The following LAMA4 variants were observed in gnomAD, a reference collection of about 807,000 sequenced individuals.
LAMA4 encodes the protein laminin subunit alpha-4.
A neutral mutation model predicts 207.1 loss-of-function variants in LAMA4; 127 were observed. That is an observed-to-expected ratio of 0.61 (90% CI 0.53 to 0.71). The LOEUF (loss-of-function observed/expected upper bound fraction) is 0.71, where lower values mean the gene tolerates loss of function less well. LAMA4 is among the 30% of genes least tolerant of loss of function. LAMA4 has a pLI of 0.00. For synonymous variants in LAMA4, 761 were observed against 816.0 expected (o/e 0.93, Z 1.15); for missense variants, 2,093 against 2,246.5 (o/e 0.93, Z 1.38).
chr6:112,127,435 A>G (rs1778763578), intron 31 of LAMA4, among the ~76,000 whole-genome samples: 1 of 151,800 alleles, frequency 6.6e-6, no homozygotes, highest in African/African-American at 2.4e-5. Context: ...ATCCAAGCAG[A>G]AGGGAAGCCT....
chr6:112,176,008 G>T (rs1217852772), intron 10 of LAMA4, among the ~76,000 whole-genome samples: 1 of 152,212 alleles, frequency 6.6e-6, no homozygotes, highest in Admixed American at 6.5e-5. Flanking sequence ...CATATTGATA[G>T]CTGTCCAAAT....
chr6:112,143,606 C>T lies in LAMA4; in HGVS notation c.2493+1188G>A, dbSNP rs1237775745. Among the ~76,000 whole-genome samples the T allele has an allele frequency of 2.0e-5, 3 of 152,098 alleles. No homozygotes were observed. The East Asian group carries it at 5.8e-4, about 29-fold the overall frequency. On this transcript the variant is annotated intron_variant, in intron 19 of 38. Coordinates refer to ENST00000230538, the MANE Select transcript of LAMA4 (RefSeq NM_001105206.3). The stretch of plus-strand genomic sequence containing the variant: ...GCCAAGACCAATACATCTTAATAAA[C>T]AAGCAGTGTGGGGGATTAAAGTCTT...
rs145489423 is a variant in LAMA4, at chr6:112,148,278, C to G, written c.2232G>C (p.Thr744=). Residue 744 remains threonine, a synonymous_variant, in exon 18 of 39, where the codon ACG becomes ACC. Coordinates refer to ENST00000230538, the MANE Select transcript of LAMA4 (RefSeq NM_001105206.3). Reference sequence around the variant, plus strand: ...CAGTGGCCTGCTGCACCTCCATCGTCGTCCTGTTGGCTTCCTCGGTGATCA... The same window carrying G: ...CAGTGGCCTGCTGCACCTCCATCGTGGTCCTGTTGGCTTCCTCGGTGATCA... The part of the protein sequence containing the change: ...SRLITEEANR[T]TMEVQQATAP... 1 of 1,614,196 alleles carries G rather than the reference C, an allele frequency of 6.2e-7. No homozygotes were observed. Among genetic ancestry groups the G allele is most frequent in the South Asian group, 1.1e-5 (1 of 91,082 alleles).
At position 112,185,299 on chromosome 6, in the gene LAMA4, T is replaced by C. The variant is rs1366623181; in HGVS notation, c.1015A>G (p.Ile339Val). The C allele has an allele frequency of 1.9e-6, 3 of 1,613,718 alleles. No homozygotes were observed. In the African/African-American group the frequency reaches 4.0e-5, roughly 22 times the overall value. ...TTCATCGTGTTCTCAGCATTGTTGATTTGTATCTTTCTTAGGGCGTATTGG... is the reference window on the plus strand; with the variant it reads ...TTCATCGTGTTCTCAGCATTGTTGACTTGTATCTTTCTTAGGGCGTATTGG... The part of the protein sequence containing the change: ...ENQYALRKIQ[I>V]NNAENTMKSL... The change falls in exon 9 of 39, where the codon ATC becomes GTC. Residue 339 changes from isoleucine (I) to valine (V), a missense_variant. By Grantham distance (29) the Ile-to-Val change is conservative. Coordinates refer to ENST00000230538, the MANE Select transcript of LAMA4 (RefSeq NM_001105206.3).
At position 112,108,390 on chromosome 6, in the gene LAMA4, G is replaced by C. The variant is rs1398722690; in HGVS notation, c.*1047C>G. ...AAAGATTATAACATTTTAGAAATAA[G>C]ACTAGTTGTGTTGCAGGTATGTGGA... On this transcript the variant is annotated 3_prime_UTR_variant, in exon 39 of 39. Coordinates refer to ENST00000230538, the MANE Select transcript of LAMA4 (RefSeq NM_001105206.3). 6.6e-6 allele frequency among the ~76,000 whole-genome samples: 1 copy of C among 152,058 alleles called. No individual in the cohort carries two copies. The highest frequency in any genetic ancestry group is 1.5e-5 in the Non-Finnish European group (1 of 68,008).
At chr6:112,222,594 TAA>T (rs1464250633) in intron 2 of LAMA4, among the ~76,000 whole-genome samples, 2 of 152,178 alleles carry the variant, frequency 1.3e-5, no homozygotes, top group African/African-American at 4.8e-5. Flanking sequence ...TTTAATTTTG[TAA>T]AGAGTGGAGA....
chr6:112,233,824 T>A (rs1251072578), intron 2 of LAMA4, among the ~76,000 whole-genome samples: 2 of 152,174 alleles, frequency 1.3e-5, no homozygotes, highest in African/African-American at 4.8e-5. Flanking sequence ...CACCAATGAA[T>A]TTACTTTTTT....
intron 38 of LAMA4, among the ~76,000 whole-genome samples, chr6:112,113,708 A>G (rs587765661): frequency 2.0e-4 from 30 of 152,338 alleles, no homozygotes; most frequent in African/African-American, 6.7e-4. Flanking sequence ...GGGAGCAACT[A>G]ACAGCAAACT....
At chr6:112,176,480 T>C (rs1413511337) in intron 10 of LAMA4, among the ~76,000 whole-genome samples, 5 of 152,226 alleles carry the variant, frequency 3.3e-5, no homozygotes. Context: ...TTTATGTGGA[T>C]AATAGCTTGA....
At chr6:112,189,357 G>C in intron 6 of LAMA4, 152 bp from the exon 7 acceptor site, 1 of 678,410 alleles carries the variant, frequency 1.5e-6, no homozygotes, top group Non-Finnish European at 2.7e-6. Flanking sequence ...TAGAATCTAC[G>C]ATACAGAGAT....
At chr6:112,110,919 A>AT (rs1777652672) in intron 38 of LAMA4, among the ~76,000 whole-genome samples, 1 of 152,192 alleles carries the variant, frequency 6.6e-6, no homozygotes, top group East Asian at 1.9e-4. Context: ...TTAATGCATA[A>AT]TTTTTAGAGA....
chr6:112,203,293 T>C (rs1320820052), intron 4 of LAMA4, among the ~76,000 whole-genome samples: 1 of 151,992 alleles, frequency 6.6e-6, no homozygotes, highest in East Asian at 1.9e-4. Flanking sequence ...ACTCGGCCCT[T>C]TGTTTGCTTA....
At position 112,253,707 on chromosome 6, in the gene LAMA4, G is replaced by A. The variant is rs1394170284; in HGVS notation, c.195+249C>T. 11 of 1,589,994 alleles carry A rather than the reference G, an allele frequency of 6.9e-6. No homozygotes were observed. The Admixed American group carries it at 1.2e-4, about 17-fold the overall frequency. On this transcript the variant is annotated intron_variant, in intron 2 of 38. Transcript: ENST00000230538. ...TGAGAGTCTAGCGGATGAACTCAGAGCACCAACACATGCACTCTCACCCCT... is the reference window on the plus strand; with the variant it reads ...TGAGAGTCTAGCGGATGAACTCAGAACACCAACACATGCACTCTCACCCCT...
intron 19 of LAMA4, 94 bp from the exon 20 acceptor site, chr6:112,142,386 C>G (rs1198863727): frequency 9.5e-7 from 1 of 1,051,944 alleles, no homozygotes; most frequent in Non-Finnish European, 1.5e-6. Context: ...GGCCTATAAA[C>G]TCTCTTCACC....
chr6:112,252,722 G>C (rs1238477579), intron 2 of LAMA4, among the ~76,000 whole-genome samples: 1 of 152,102 alleles, frequency 6.6e-6, no homozygotes, highest in Admixed American at 6.5e-5. Context: ...TGCTTCCCTG[G>C]GGTTAATTCC....
intron 3 of LAMA4, among the ~76,000 whole-genome samples, chr6:112,209,911 G>A (rs1241621465): frequency 6.6e-6 from 1 of 152,138 alleles, no homozygotes; most frequent in East Asian, 1.9e-4. Flanking sequence ...ATTGGATCAT[G>A]AGGGTTGTTT....
chr6:112,208,070 T>C (rs1434013969), intron 3 of LAMA4, among the ~76,000 whole-genome samples: 1 of 152,234 alleles, frequency 6.6e-6, no homozygotes, highest in Non-Finnish European at 1.5e-5. Context: ...TATGGGACTA[T>C]ACTAGTGGTA....
intron 16 of LAMA4, 134 bp downstream of exon 16, chr6:112,154,717 A>G (rs1377843906): frequency 1.1e-5 from 8 of 707,838 alleles, no homozygotes; most frequent in Admixed American, 4.1e-5. Context: ...CTTGACTCTG[A>G]GCAGGAACTA....
intron 19 of LAMA4, 75 bp from the exon 20 acceptor site, chr6:112,142,367 C>T (rs747968895): frequency 1.5e-4 from 198 of 1,342,818 alleles, no homozygotes; most frequent in Non-Finnish European, 1.7e-4. Context: ...TTCCCTCATT[C>T]GTGACAGGGG....
Sources: gnomAD v4.1 joint callset for allele counts (sites outside exome capture counted in the v4.1 genomes callset) on GRCh38, gnomAD v4.1.1 for gene constraint, MANE v1.5 for transcripts, NCBI Gene and HGNC (gene_info 2026-07-23, HGNC 2026-07-21) for gene names.